The following MEGF10 variants were observed in gnomAD, a reference collection of about 807,000 sequenced individuals.
MEGF10 encodes the protein multiple epidermal growth factor-like domains protein 10.
Under a neutral mutation model 147.5 loss-of-function variants are expected in MEGF10, and 86 were observed. The observed-to-expected ratio is 0.58, with a 90% confidence interval of 0.49 to 0.70. MEGF10 has a LOEUF of 0.70. MEGF10 is among the 30% of genes least tolerant of loss of function. MEGF10 has a pLI of 0.00. For missense variants in MEGF10, 1,329 were observed against 1,487.3 expected, an observed-to-expected ratio of 0.89 and a Z score of 1.75; for synonymous variants, 478 against 525.5, an observed-to-expected ratio of 0.91 and a Z score of 1.24.
chr5:127,422,769 T>A lies in MEGF10; in HGVS notation c.1690T>A (p.Ser564Thr). The change falls in exon 13 of 25, where the codon TCA (serine) becomes ACA (threonine). Residue 564 changes from serine (S) to threonine (T), a missense_variant. By Grantham distance (58) the Ser-to-Thr change is moderately conservative. This residue lies in a region of MEGF10 where 980 missense variants were observed against 1,085.9 expected (regional missense o/e 0.90). Transcript: ENST00000503335. ...TGHCRCLPGW[S>T]GVHCDSVCAE... Reference sequence around the variant, plus strand: ...CCATTGCCGCTGCCTCCCCGGATGGTCAGGTGAGAGCCAAGGACCGCTAAT... The same window carrying A: ...CCATTGCCGCTGCCTCCCCGGATGGACAGGTGAGAGCCAAGGACCGCTAAT... 1 of 1,613,444 alleles carries A rather than the reference T, an allele frequency of 6.2e-7. No homozygotes were observed. Among genetic ancestry groups the A allele is most frequent in the Non-Finnish European group, 8.5e-7 (1 of 1,179,558 alleles).
At chr5:127,395,734 T>C (rs112445144) in intron 5 of MEGF10, among the ~76,000 whole-genome samples, 26,186 of 151,744 alleles carry the variant, frequency 0.17, 2,446 homozygotes, top group African/African-American at 0.25. Flanking sequence ...TTAGTAGAGA[T>C]GGGGTTTCAC....
rs554793678 is a variant in MEGF10 at position 127,457,330 on chromosome 5, C to A, written c.*12C>A. ...GCAGCAGTGAATGACACCAAAGGAC[C>A]GCTTGGTAGCCACTGGAACCCTTTC... On this transcript the variant is annotated 3_prime_UTR_variant, in exon 25 of 25. Coordinates refer to ENST00000503335, the MANE Select transcript of MEGF10 (RefSeq NM_001256545.2). 19 of 1,609,098 alleles carry A rather than the reference C, an allele frequency of 1.2e-5. No homozygotes were observed. Among genetic ancestry groups the A allele is most frequent in the Non-Finnish European group, 1.4e-5 (17 of 1,178,568 alleles).
intron 2 of MEGF10, among the ~76,000 whole-genome samples, chr5:127,335,173 T>C (rs1190422820): frequency 6.6e-6 from 1 of 152,150 alleles, no homozygotes; most frequent in African/African-American, 2.4e-5. Flanking sequence ...TTTTTTAAAA[T>C]TCCAGTTTCC....
the MEGF10 span, among the ~76,000 whole-genome samples, chr5:127,239,787 GT>G: frequency 6.6e-6 from 1 of 152,024 alleles, no homozygotes; most frequent in African/African-American, 2.4e-5. Context: ...CCAATAAAGA[GT>G]TTTTAAAAAG....
chr5:127,292,221 G>C (rs1366878445), intron 1 of MEGF10, among the ~76,000 whole-genome samples: 1 of 152,140 alleles, frequency 6.6e-6, no homozygotes, highest in African/African-American at 2.4e-5. Context: ...GCACCCGCCA[G>C]CCTGGGTTCA....
rs181525081 is a variant in MEGF10 at position 127,307,178 on chromosome 5, C to T, written c.-19+16122C>T. Reference sequence around the variant, plus strand: ...AAATACTGGCTCTGGAGCCTAAAGACCTTGCCTTGAGTTGTAGCTTTGCCA... The same window carrying T: ...AAATACTGGCTCTGGAGCCTAAAGATCTTGCCTTGAGTTGTAGCTTTGCCA... On this transcript the variant is annotated intron_variant, in intron 1 of 24. Coordinates refer to ENST00000503335, the MANE Select transcript of MEGF10 (RefSeq NM_001256545.2). 1.2e-4 allele frequency among the ~76,000 whole-genome samples: 18 copies of T among 152,266 alleles called. 1 individual carries two copies. The East Asian group carries it at 2.5e-3, about 21-fold the overall frequency.
intron 5 of MEGF10, among the ~76,000 whole-genome samples, chr5:127,392,818 A>G (rs1281082330): frequency 6.6e-6 from 1 of 152,194 alleles, no homozygotes; most frequent in Non-Finnish European, 1.5e-5. Context: ...TAATCCAAGT[A>G]GTACCCAGCA....
intron 16 of MEGF10, 48 bp from the exon 17 acceptor site, chr5:127,438,391 G>T: frequency 1.2e-6 from 2 of 1,602,144 alleles, no homozygotes; most frequent in Non-Finnish European, 1.7e-6. Context: ...TCCCTACTTA[G>T]TATTGGCCTC....
In MEGF10 at chr5:127,434,700, T is replaced by C. The variant is rs768098809; in HGVS notation, c.1854T>C (p.Gly618=). The C allele has an allele frequency of 6.2e-7, 1 of 1,611,984 alleles. No homozygotes were observed. The highest frequency in any genetic ancestry group is 1.1e-5 in the South Asian group (1 of 90,790). The change falls in exon 15 of 25, where the codon GGT becomes GGC. Residue 618 remains glycine (G), a synonymous_variant. Transcript: ENST00000503335. ...GTTCQRICSP[G]FYGHRCSQTC... ...TTCTGTTTTCAGTCTGCTCCCCTGG[T>C]TTTTATGGGCATCGCTGCAGCCAGA...
intron 15 of MEGF10, 79 bp downstream of exon 15, chr5:127,434,900 C>T (rs1765505208): frequency 5.3e-6 from 8 of 1,506,972 alleles, no homozygotes; most frequent in Non-Finnish European, 6.2e-6. Context: ...TCCCCTTGGC[C>T]TTCCTGAAGG....
At chr5:127,428,141 A>ATT (rs66935934) in intron 13 of MEGF10, among the ~76,000 whole-genome samples, 2,435 of 103,530 alleles carry the variant, frequency 0.024, 75 homozygotes, top group African/African-American at 0.043. Flanking sequence ...GGTGTCTGGT[A>ATT]TTTTTTTTTT....
chr5:127,272,979 A>C, the MEGF10 span, among the ~76,000 whole-genome samples: 21 of 152,274 alleles, frequency 1.4e-4, no homozygotes, highest in African/African-American at 5.1e-4. Flanking sequence ...AGAACTTCCA[A>C]AATAGGGGTG....
At chr5:127,418,709 A>G (rs186006665) in intron 10 of MEGF10, among the ~76,000 whole-genome samples, 1 of 152,366 alleles carries the variant, frequency 6.6e-6, no homozygotes, top group Admixed American at 6.5e-5. Context: ...TACATATCAT[A>G]CAAGGATATC....
the MEGF10 span, among the ~76,000 whole-genome samples, chr5:127,261,673 C>T: frequency 1.3e-5 from 2 of 152,222 alleles, no homozygotes; most frequent in South Asian, 4.2e-4. Context: ...TGAAGAATTG[C>T]TATACTGATT....
At chr5:127,260,417 T>C in the MEGF10 span, among the ~76,000 whole-genome samples, 1 of 152,190 alleles carries the variant, frequency 6.6e-6, no homozygotes, top group East Asian at 1.9e-4. Flanking sequence ...TCATGATTCA[T>C]ACTTAAGAAT....
chr5:127,393,689 C>G (rs1406976746), intron 5 of MEGF10, among the ~76,000 whole-genome samples: 1 of 152,146 alleles, frequency 6.6e-6, no homozygotes, highest in Non-Finnish European at 1.5e-5. Flanking sequence ...TGGACATAGC[C>G]AGGAAATTAA....
chr5:127,384,074 C>T (rs192455840), intron 5 of MEGF10, among the ~76,000 whole-genome samples: 3 of 152,302 alleles, frequency 2.0e-5, no homozygotes, highest in Non-Finnish European at 4.4e-5. Context: ...AACCTTCTCT[C>T]CCCCTCCTTT....
intron 7 of MEGF10, among the ~76,000 whole-genome samples, chr5:127,400,308 A>T (rs372735634): frequency 2.0e-5 from 3 of 152,336 alleles, no homozygotes; most frequent in East Asian, 3.9e-4. Context: ...AGACAAGGTG[A>T]AAAAGAAGCT....
chr5:127,460,364 G>A lies in MEGF10; in HGVS notation c.*3046G>A, dbSNP rs1766518277. 6.6e-6 allele frequency: 1 copy of A among 152,144 alleles called. No individual in the cohort carries two copies. The highest frequency in any genetic ancestry group is 1.5e-5 in the Non-Finnish European group (1 of 68,008). The allele number at this position is 152,144 out of a possible 1,614,324, so 9.4% of individuals were successfully genotyped here. A position where few individuals can be genotyped will look rare whatever the true frequency, so the allele number is the denominator to read the frequency against. ...GAGGAACATTTTACAATTATTTACA[G>A]TGTTTGACATTAATTGCTGTCCTAT... On this transcript the variant is annotated 3_prime_UTR_variant, in exon 25 of 25. Coordinates refer to ENST00000503335, the MANE Select transcript of MEGF10 (RefSeq NM_001256545.2).
Sources: gnomAD v4.1 joint callset for allele counts (sites outside exome capture counted in the v4.1 genomes callset) on GRCh38, gnomAD v4.1.1 for gene constraint, gnomAD v4.1.1 regional missense constraint, MANE v1.5 for transcripts, NCBI Gene and HGNC (gene_info 2026-07-23, HGNC 2026-07-21) for gene names.